PKNOX2: variants seen among roughly 807,000 people sequenced by gnomAD.
PKNOX2 encodes the protein homeobox protein PKNOX2.
Under a neutral mutation model 53.1 loss-of-function variants are expected in PKNOX2, and 14 were observed. The ratio of observed to expected loss-of-function variants is 0.26; its 90% CI spans 0.17 to 0.41. The LOEUF (loss-of-function observed/expected upper bound fraction) is 0.41, where lower values mean the gene tolerates loss of function less well. PKNOX2 is among the 10% of genes least tolerant of loss of function. The probability of loss-of-function intolerance (pLI) is 1.00; values close to 1 mark genes in which losing one functional copy is unlikely to be tolerated. For synonymous variants in PKNOX2, 257 were observed against 242.8 expected (o/e 1.06, Z -0.54); for missense variants, 496 against 602.8 (o/e 0.82, Z 1.85).
Position 125,338,966 on chromosome 11 carries a change from G to A in PKNOX2, c.-23+7041G>A, listed in dbSNP as rs187251531. ...GCAAGTCAGAATTAAGCTTCACTGC[G>A]AGTTATAATTTTCAGACCCATTCCT... On this transcript the variant is annotated intron_variant, in intron 3 of 12. Coordinates refer to ENST00000298282, the MANE Select transcript of PKNOX2 (RefSeq NM_001382323.2). Among the ~76,000 whole-genome samples the A allele has an allele frequency of 3.3e-5, 5 of 152,292 alleles. No homozygotes were observed. In the East Asian group the frequency reaches 7.7e-4, roughly 24 times the overall value.
chr11:125,168,225 C>G (rs891496469), intron 1 of PKNOX2, among the ~76,000 whole-genome samples: 5 of 152,216 alleles, frequency 3.3e-5, no homozygotes, highest in African/African-American at 1.2e-4. Flanking sequence ...TTTTTCAGTG[C>G]TTTTTGCTTT....
intron 5 of PKNOX2, among the ~76,000 whole-genome samples, chr11:125,379,470 C>T (rs1320705961): frequency 2.0e-5 from 3 of 152,124 alleles, no homozygotes; most frequent in East Asian, 1.9e-4. Context: ...AAGGAAGTTG[C>T]GGGGTCCATT....
rs1417797747 is a variant in PKNOX2 at position 125,431,632 on chromosome 11, G to A, written c.*240G>A. ...CCGAGGACTCTGTTTGGCGGGGCCA[G>A]TCGAGCAGCCTGTGTGGAAAGACAG... On this transcript the variant is annotated 3_prime_UTR_variant, in exon 13 of 13. Coordinates refer to ENST00000298282, the MANE Select transcript of PKNOX2 (RefSeq NM_001382323.2). 5.5e-6 allele frequency: 3 copies of A among 540,602 alleles called. No homozygotes were observed. The highest frequency in any genetic ancestry group is 3.3e-6 in the Non-Finnish European group (1 of 301,692). 33.5% of individuals were successfully genotyped at this position (540,602 alleles called of 1,614,324 possible). A position where few individuals can be genotyped will look rare whatever the true frequency, so the allele number is the denominator to read the frequency against.
intron 10 of PKNOX2, 121 bp from the exon 11 acceptor site, chr11:125,428,891 T>C (rs978982756): frequency 1.0e-6 from 1 of 977,934 alleles, no homozygotes; most frequent in Non-Finnish European, 1.6e-6. Flanking sequence ...TTCCCCAATT[T>C]TGGTTCCCAA....
chr11:125,239,982 A>G (rs1434613242), intron 2 of PKNOX2: 3 of 152,250 alleles, frequency 2.0e-5, no homozygotes, highest in Non-Finnish European at 4.4e-5. Context: ...GGAGTGGTAA[A>G]AAATAATGGC....
intron 1 of PKNOX2, among the ~76,000 whole-genome samples, chr11:125,208,300 C>A (rs680926): frequency 0.52 from 78,218 of 151,812 alleles, 21,634 homozygotes; most frequent in African/African-American, 0.69. Context: ...GCCACAGAAC[C>A]GAGGTAGATT....
At chr11:125,292,329 T>C (rs1039766430) in intron 2 of PKNOX2, among the ~76,000 whole-genome samples, 2 of 152,196 alleles carry the variant, frequency 1.3e-5, no homozygotes, top group Non-Finnish European at 2.9e-5. Context: ...TATTTGTACA[T>C]GTAAATCAGA....
chr11:125,328,035 A>T (rs1295242159), intron 2 of PKNOX2, among the ~76,000 whole-genome samples: 3 of 152,212 alleles, frequency 2.0e-5, no homozygotes, highest in African/African-American at 7.2e-5. Context: ...GCAGAGGCTC[A>T]GCTAGAGCAG....
intron 4 of PKNOX2, among the ~76,000 whole-genome samples, chr11:125,353,389 C>A (rs1264822437): frequency 6.6e-6 from 1 of 152,202 alleles, no homozygotes; most frequent in Non-Finnish European, 1.5e-5. Context: ...CGGAGAGCTG[C>A]AGCAAGGGCC....
At chr11:125,246,880 A>C (rs1024095245) in intron 2 of PKNOX2, among the ~76,000 whole-genome samples, 1 of 152,074 alleles carries the variant, frequency 6.6e-6, no homozygotes, top group Non-Finnish European at 1.5e-5. Flanking sequence ...CACCCTCCTC[A>C]CTTTCCCATT....
chr11:125,168,956 C>G (rs924889678), intron 1 of PKNOX2, among the ~76,000 whole-genome samples: 1 of 152,218 alleles, frequency 6.6e-6, no homozygotes, highest in Non-Finnish European at 1.5e-5. Flanking sequence ...TATCTCTAAT[C>G]TCAGGCTTTT....
At chr11:125,331,946 G>C (rs542879994) in intron 3 of PKNOX2, 21 bp downstream of exon 3, 1 of 152,118 alleles carries the variant, frequency 6.6e-6, no homozygotes, top group African/African-American at 2.4e-5. Flanking sequence ...CTCTTCTGTC[G>C]TTTAACATAC....
At chr11:125,418,590 G>A (rs774835736) in intron 10 of PKNOX2, among the ~76,000 whole-genome samples, 6 of 152,006 alleles carry the variant, frequency 3.9e-5, no homozygotes, top group African/African-American at 9.7e-5. Context: ...GGCACGTGGA[G>A]GTGAAGCCCA....
chr11:125,323,028 C>A (rs1949617133), intron 2 of PKNOX2, among the ~76,000 whole-genome samples: 1 of 152,188 alleles, frequency 6.6e-6, no homozygotes, highest in Non-Finnish European at 1.5e-5. Context: ...CTGATGCAGA[C>A]CATGGTGGAA....
At chr11:125,377,992 A>G (rs1952945032) in intron 5 of PKNOX2, among the ~76,000 whole-genome samples, 1 of 152,208 alleles carries the variant, frequency 6.6e-6, no homozygotes, top group Non-Finnish European at 1.5e-5. Context: ...ACCATCATCC[A>G]GGAGAAAATT....
intron 2 of PKNOX2, among the ~76,000 whole-genome samples, chr11:125,273,088 CT>C (rs1480208666): frequency 2.6e-5 from 4 of 152,202 alleles, no homozygotes; most frequent in Non-Finnish European, 5.9e-5. Context: ...TGAGAGGCCG[CT>C]TGTCAGGCCC....
chr11:125,171,415 G>A (rs1955313414), intron 1 of PKNOX2, among the ~76,000 whole-genome samples: 1 of 152,210 alleles, frequency 6.6e-6, no homozygotes, highest in African/African-American at 2.4e-5. Context: ...GCTTTATTTA[G>A]CATCAGGCAA....
intron 2 of PKNOX2, among the ~76,000 whole-genome samples, chr11:125,326,457 C>A (rs1405446367): frequency 6.6e-6 from 1 of 152,122 alleles, no homozygotes; most frequent in Non-Finnish European, 1.5e-5. Context: ...TAGGGTCAGG[C>A]TGATTATGAA....
chr11:125,271,125 C>T (rs1430476128), intron 2 of PKNOX2, among the ~76,000 whole-genome samples: 1 of 152,090 alleles, frequency 6.6e-6, no homozygotes, highest in East Asian at 1.9e-4. Flanking sequence ...TTCACAGTTC[C>T]CTGCCCCACC....
Sources: gnomAD v4.1 joint callset for allele counts (sites outside exome capture counted in the v4.1 genomes callset) on GRCh38, gnomAD v4.1.1 for gene constraint, MANE v1.5 for transcripts, NCBI Gene and HGNC (gene_info 2026-07-23, HGNC 2026-07-21) for gene names.